LRRTM4: variants seen among roughly 807,000 people sequenced by gnomAD.
LRRTM4 encodes the protein leucine-rich repeat transmembrane neuronal protein 4.
In LRRTM4, 25 loss-of-function variants were observed where a neutral mutation model predicts 47.6. The ratio of observed to expected loss-of-function variants is 0.53; its 90% CI spans 0.38 to 0.73. The LOEUF (loss-of-function observed/expected upper bound fraction) is 0.73. Ranked by LOEUF, LRRTM4 falls within the 30% of genes least tolerant of loss-of-function variation. LRRTM4 has a pLI of 0.00. For missense variants in LRRTM4, 638 were observed against 713.4 expected (o/e 0.89, Z 1.20); for synonymous variants, 311 against 269.5 (o/e 1.15, Z -1.51).
chr2:77,362,117 G>GAAAGAAAGAA (rs1558707189), intron 3 of LRRTM4, among the ~76,000 whole-genome samples: 2 of 97,326 alleles, frequency 2.1e-5, no homozygotes, highest in African/African-American at 6.8e-5. Context: ...AAGAAAGAGA[G>GAAAGAAAGAA]AAAGAAAGAA....
chr2:77,132,953 C>A (rs1390593144), intron 3 of LRRTM4, among the ~76,000 whole-genome samples: 1 of 152,098 alleles, frequency 6.6e-6, no homozygotes, highest in Non-Finnish European at 1.5e-5. Flanking sequence ...TTGGTATAGA[C>A]ATTACACTGC....
chr2:77,025,230 G>C (rs909469499), intron 3 of LRRTM4, among the ~76,000 whole-genome samples: 9 of 152,120 alleles, frequency 5.9e-5, no homozygotes, highest in Non-Finnish European at 1.2e-4. Context: ...TTCAAATACA[G>C]GCTGTTGATA....
At chr2:76,952,573 A>T (rs760812130) in intron 3 of LRRTM4, among the ~76,000 whole-genome samples, 5 of 151,968 alleles carry the variant, frequency 3.3e-5, no homozygotes, top group Non-Finnish European at 7.4e-5. Flanking sequence ...AAAGGGGAAC[A>T]CTTATACACT....
At chr2:76,977,381 T>A (rs1428401288) in intron 3 of LRRTM4, among the ~76,000 whole-genome samples, 1 of 151,868 alleles carries the variant, frequency 6.6e-6, no homozygotes, top group African/African-American at 2.4e-5. Flanking sequence ...TACCAACCTG[T>A]TGGAAATCAC....
At chr2:76,873,441 CTGTG>C (rs951891456) in intron 3 of LRRTM4, among the ~76,000 whole-genome samples, 2 of 138,320 alleles carry the variant, frequency 1.4e-5, no homozygotes, top group Non-Finnish European at 3.1e-5. Context: ...ATTATATAGT[CTGTG>C]TGTATATATA....
chr2:77,194,877 C>CA (rs1558628241), intron 3 of LRRTM4, among the ~76,000 whole-genome samples: 1 of 151,082 alleles, frequency 6.6e-6, no homozygotes, highest in Non-Finnish European at 1.5e-5. Context: ...TAAAGGTACT[C>CA]ACATCACAGC....
At chr2:76,866,255 G>A (rs1309121292) in intron 3 of LRRTM4, among the ~76,000 whole-genome samples, 1 of 152,140 alleles carries the variant, frequency 6.6e-6, no homozygotes, top group Non-Finnish European at 1.5e-5. Context: ...CTATCTATAT[G>A]CACTTTCACT....
At chr2:77,508,518 C>T (rs141436084) in intron 3 of LRRTM4, among the ~76,000 whole-genome samples, 3 of 152,250 alleles carry the variant, frequency 2.0e-5, no homozygotes, top group Admixed American at 6.5e-5. Context: ...CAAAGAAAAT[C>T]ATTTGTTTTC....
chr2:77,219,407 CT>C (rs1469800177), intron 3 of LRRTM4, among the ~76,000 whole-genome samples: 1 of 152,136 alleles, frequency 6.6e-6, no homozygotes, highest in Non-Finnish European at 1.5e-5. Flanking sequence ...CCTCAAATCC[CT>C]TCCCCCAGAA....
chr2:76,997,132 C>T (rs1397066719), intron 3 of LRRTM4, among the ~76,000 whole-genome samples: 1 of 152,032 alleles, frequency 6.6e-6, no homozygotes, highest in African/African-American at 2.4e-5. Flanking sequence ...AACCTAATTT[C>T]CCCTGTTCTG....
At chr2:76,770,495 A>G (rs1404839722) in intron 3 of LRRTM4, among the ~76,000 whole-genome samples, 3 of 152,154 alleles carry the variant, frequency 2.0e-5, no homozygotes, top group African/African-American at 7.2e-5. Flanking sequence ...CCAGCCACCT[A>G]TATCTGCAAC....
chr2:77,203,026 T>C (rs1263208675), intron 3 of LRRTM4, among the ~76,000 whole-genome samples: 1 of 152,040 alleles, frequency 6.6e-6, no homozygotes, highest in Non-Finnish European at 1.5e-5. Flanking sequence ...CTGGTCTTGA[T>C]AATTATGTGA....
chr2:76,970,799 G>A (rs920243166), intron 3 of LRRTM4, among the ~76,000 whole-genome samples: 4 of 151,986 alleles, frequency 2.6e-5, no homozygotes, highest in African/African-American at 9.7e-5. Flanking sequence ...AGTACGTTTT[G>A]TTTAGTGTGC....
chr2:77,140,562 TG>T (rs1036851103), intron 3 of LRRTM4, among the ~76,000 whole-genome samples: 20 of 152,156 alleles, frequency 1.3e-4, no homozygotes, highest in Non-Finnish European at 2.6e-4. Context: ...GACATAGGCA[TG>T]GGCAAGGACT....
At chr2:77,127,343 G>A (rs1232354137) in intron 3 of LRRTM4, among the ~76,000 whole-genome samples, 1 of 152,018 alleles carries the variant, frequency 6.6e-6, no homozygotes, top group Non-Finnish European at 1.5e-5. Flanking sequence ...GACATTCAGG[G>A]AATAAATTAA....
rs77715819 is a variant in LRRTM4 at position 77,376,607 on chromosome 2, C to T, written c.1551+141711G>A. On this transcript the variant is annotated intron_variant, in intron 3 of 3. Coordinates refer to ENST00000409884, the MANE Select transcript of LRRTM4 (RefSeq NM_001134745.3). ...CCCTCAGTTGATCTCAATCTTATGC[C>T]GATTGATCTCTCTCTTACACTTTTC... Among the ~76,000 whole-genome samples the T allele has an allele frequency of 2.7e-3, 404 of 151,698 alleles. 5 individuals are homozygous for T. In the East Asian group the frequency reaches 0.032, roughly 12 times the overall value.
At chr2:77,009,820 A>C (rs1421948968) in intron 3 of LRRTM4, 1 of 152,026 alleles carries the variant, frequency 6.6e-6, no homozygotes, top group Non-Finnish European at 1.5e-5. Flanking sequence ...TCTCTTAGTA[A>C]TTTGAAGAAT....
chr2:76,953,546 T>C (rs1675567417), intron 3 of LRRTM4, among the ~76,000 whole-genome samples: 2 of 151,826 alleles, frequency 1.3e-5, no homozygotes, highest in Admixed American at 1.3e-4. Flanking sequence ...ATTTCATCAT[T>C]TTTGGGAAGC....
At chr2:77,089,133 G>A (rs1302434751) in intron 3 of LRRTM4, among the ~76,000 whole-genome samples, 2 of 152,052 alleles carry the variant, frequency 1.3e-5, no homozygotes, top group African/African-American at 4.8e-5. Context: ...TTAGGGGCAA[G>A]TCCCGCTTTT....
Sources: gnomAD v4.1 joint callset for allele counts (sites outside exome capture counted in the v4.1 genomes callset) on GRCh38, gnomAD v4.1.1 for gene constraint, MANE v1.5 for transcripts, NCBI Gene and HGNC (gene_info 2026-07-23, HGNC 2026-07-21) for gene names.